ACTN1: variants seen among roughly 807,000 people sequenced by gnomAD.
ACTN1 encodes alpha-actinin-1.
In ACTN1, 30 loss-of-function variants were observed where a neutral mutation model predicts 119.6. That is an observed-to-expected ratio of 0.25 (90% CI 0.19 to 0.34). ACTN1 has a LOEUF of 0.34. ACTN1 is among the 10% of genes least tolerant of loss of function. The probability of loss-of-function intolerance (pLI) is 1.00; values close to 1 mark genes in which losing one functional copy is unlikely to be tolerated. For synonymous variants in ACTN1, 429 were observed against 472.6 expected (o/e 0.91, Z 1.20); for missense variants, 764 against 1,223.4 (o/e 0.62, Z 5.60).
rs1236104162 is a variant in ACTN1, at chr14:68,909,350, G to A, written c.562C>T (p.Pro188Ser). 6.2e-7 allele frequency: 1 copy of A among 1,614,080 alleles called. No individual in the cohort carries two copies. Among genetic ancestry groups the A allele is most frequent in the Non-Finnish European group, 8.5e-7 (1 of 1,179,998 alleles). The change falls in exon 6 of 22, where the codon CCC (proline) becomes TCC (serine). Residue 188 changes from proline (P) to serine (S), a missense_variant. Pro to Ser is a moderately conservative substitution (Grantham distance 74). This residue lies in a region of ACTN1 where 544 missense variants were observed against 912.0 expected (regional missense o/e 0.60). Transcript: ENST00000394419. This position sits in a 1 kb window ranked among gnomAD's most constrained non-coding sequence, Gnocchi z 4.1. Reference protein sequence around the residue: ...GFCALIHRHRPELIDYGKLRK... With the variant: ...GFCALIHRHRSELIDYGKLRK... ...AGCTTCCCGTAGTCAATCAGCTCGG[G>A]CCGGTGTCGGTGGATCAAAGCACAG...
chr14:68,903,630 C>T (rs1462940733), intron 7 of ACTN1, among the ~76,000 whole-genome samples: 3 of 152,186 alleles, frequency 2.0e-5, no homozygotes, highest in Admixed American at 1.3e-4. Context: ...CCTTTCTAGC[C>T]CTTCAGCACT....
At chr14:68,934,340 A>G (rs530116669) in intron 1 of ACTN1, among the ~76,000 whole-genome samples, 10 of 152,394 alleles carry the variant, frequency 6.6e-5, no homozygotes, top group Middle Eastern at 3.4e-3. Context: ...GGCTGGATCA[A>G]TGAGGAACCC....
chr14:68,884,346 T>C, intron 13 of ACTN1, 38 bp from the exon 14 acceptor site: 1 of 1,585,616 alleles, frequency 6.3e-7, no homozygotes, highest in Non-Finnish European at 8.6e-7. Context: ...AGTACAGTGA[T>C]GTCCAGAATC....
rs540162705 is a variant in ACTN1 at position 68,898,278 on chromosome 14, T to G, written c.762+4199A>C. On this transcript the variant is annotated intron_variant, in intron 8 of 21. Transcript: ENST00000394419. The stretch of plus-strand genomic sequence containing the variant: ...GCTCTCCATCCATTCTAAGTCCCTG[T>G]AAGGGAAGAGGAGGGGAGAGGGAAG... Among the ~76,000 whole-genome samples, 6 of 152,290 alleles carry G rather than the reference T, an allele frequency of 3.9e-5. No homozygotes were observed. In the East Asian group the frequency reaches 1.2e-3, roughly 29 times the overall value.
At chr14:68,893,554 A>G (rs917120096) in intron 9 of ACTN1, 101 bp downstream of exon 9, 2 of 1,177,338 alleles carry the variant, frequency 1.7e-6, no homozygotes, top group African/African-American at 3.0e-5. Flanking sequence ...ATCAGAGACT[A>G]TACAAGCCTG....
chr14:68,903,714 G>A (rs1422339640), intron 7 of ACTN1, among the ~76,000 whole-genome samples: 1 of 152,154 alleles, frequency 6.6e-6, no homozygotes, highest in African/African-American at 2.4e-5. Flanking sequence ...GGGCAAGCGC[G>A]GAGGTGGGAC....
intron 1 of ACTN1, among the ~76,000 whole-genome samples, chr14:68,976,576 G>A (rs2037068544): frequency 6.6e-6 from 1 of 152,142 alleles, no homozygotes; most frequent in Non-Finnish European, 1.5e-5. Flanking sequence ...TTCTGCCATG[G>A]CCCCTCCATC....
In ACTN1 at chr14:68,878,567, G is replaced by T. The variant is rs776809733; in HGVS notation, c.2362-44C>A. On this transcript the variant is annotated intron_variant, in intron 19 of 21. Coordinates refer to ENST00000394419, the MANE Select transcript of ACTN1 (RefSeq NM_001130004.2). This position sits in a 1 kb window ranked among gnomAD's most constrained non-coding sequence, Gnocchi z 4.4. Reference sequence around the variant, plus strand: ...CCAAGACACAAGGAGGGTCGGGAAGGCAGGAAGAGGAAGGGCCGGCCCGGG... The same window carrying T: ...CCAAGACACAAGGAGGGTCGGGAAGTCAGGAAGAGGAAGGGCCGGCCCGGG... The T allele has an allele frequency of 6.2e-7, 1 of 1,612,184 alleles. No individual in the cohort carries two copies. The highest frequency in any genetic ancestry group is 8.5e-7 in the Non-Finnish European group (1 of 1,179,212).
In ACTN1 at chr14:68,923,635, C is replaced by T. The variant is rs572765394; in HGVS notation, c.220+1923G>A. The stretch of plus-strand genomic sequence containing the variant: ...TACCAGCCTGGCCAACATGGTGGAA[C>T]CCTATCTCAAAGAAAAAAGAAAATA... On this transcript the variant is annotated intron_variant, in intron 2 of 21. Transcript: ENST00000394419. Among the ~76,000 whole-genome samples, 3 of 151,670 alleles carry T rather than the reference C, an allele frequency of 2.0e-5. No homozygotes were observed. The South Asian group carries it at 6.3e-4, about 32-fold the overall frequency.
intron 1 of ACTN1, among the ~76,000 whole-genome samples, chr14:68,940,945 T>TGGGTC (rs1347734573): frequency 6.6e-6 from 1 of 152,210 alleles, no homozygotes; most frequent in Non-Finnish European, 1.5e-5. Context: ...AGTCCACCCC[T>TGGGTC]GGGTCACCCG....
rs58500225 is a variant in ACTN1, at chr14:68,881,955, T to TTTTTTTTTTTTA, written c.1953+502_1953+503insTAAAAAAAAAAA. Among the ~76,000 whole-genome samples the TTTTTTTTTTTTA allele has an allele frequency of 1.7e-4, 18 of 102,976 alleles. 2 individuals carry two copies. Among genetic ancestry groups the TTTTTTTTTTTTA allele is most frequent in the South Asian group, 6.4e-4 (2 of 3,146 alleles). 67.6% of individuals were successfully genotyped at this position (102,976 alleles called of 152,430 possible). On this transcript the variant is annotated intron_variant, in intron 16 of 21. Coordinates refer to ENST00000394419, the MANE Select transcript of ACTN1 (RefSeq NM_001130004.2). ...CAGCTTCTTTTTTTTTTTTTTTTTT[T>TTTTTTTTTTTTA]GACAGAGTCTTGCTCTGTTGCCCAA...
At chr14:68,875,083 C>T (rs1180593899) in intron 21 of ACTN1, 66 bp from the exon 22 acceptor site, 2 of 1,597,476 alleles carry the variant, frequency 1.3e-6, no homozygotes, top group Non-Finnish European at 1.7e-6. Flanking sequence ...CGGCCCGACA[C>T]AGCCGCAAAG....
At chr14:68,908,911 C>T (rs150619210) in intron 6 of ACTN1, among the ~76,000 whole-genome samples, 232 of 152,320 alleles carry the variant, frequency 1.5e-3, no homozygotes, top group African/African-American at 5.3e-3. Context: ...TGCCCAGGAC[C>T]GCACAGCAGG....
At chr14:68,918,529 G>A (rs915702723) in intron 3 of ACTN1, among the ~76,000 whole-genome samples, 6 of 150,954 alleles carry the variant, frequency 4.0e-5, no homozygotes, top group South Asian at 2.1e-4. Flanking sequence ...GACTTGCAGC[G>A]AGTCAAGATC....
At chr14:68,953,099 T>G (rs999950891) in intron 1 of ACTN1, among the ~76,000 whole-genome samples, 1 of 152,198 alleles carries the variant, frequency 6.6e-6, no homozygotes, top group Non-Finnish European at 1.5e-5. Context: ...TGGAGATTCC[T>G]GGAAGAGCTT....
At chr14:68,894,534 G>A (rs993977468) in intron 8 of ACTN1, among the ~76,000 whole-genome samples, 7 of 152,166 alleles carry the variant, frequency 4.6e-5, no homozygotes, top group Non-Finnish European at 2.9e-5. Context: ...GCAGCTGTGG[G>A]GGCTACTGTA....
chr14:68,897,984 T>C (rs900334815), intron 8 of ACTN1, among the ~76,000 whole-genome samples: 3 of 152,248 alleles, frequency 2.0e-5, no homozygotes, highest in Non-Finnish European at 2.9e-5. Flanking sequence ...AAGGCCTTGC[T>C]AAGCCTTCCC....
intron 8 of ACTN1, among the ~76,000 whole-genome samples, chr14:68,901,170 C>T (rs976910200): frequency 6.8e-6 from 1 of 146,234 alleles, no homozygotes; most frequent in African/African-American, 2.5e-5. Context: ...TGGGAGAGGG[C>T]AGGGGCTCCC....
intron 11 of ACTN1, chr14:68,887,895 C>T (rs957226683): frequency 1.8e-5 from 16 of 885,378 alleles, no homozygotes; most frequent in South Asian, 1.4e-4. Context: ...TTAGCCACTT[C>T]GGCCTGTTTT....
Sources: allele counts gnomAD v4.1 joint callset (sites outside exome capture counted in the v4.1 genomes callset), GRCh38; gene constraint gnomAD v4.1.1; regional missense constraint gnomAD v4.1.1; non-coding constraint Gnocchi (gnomAD v3.1); transcripts MANE v1.5; gene names NCBI Gene and HGNC (gene_info 2026-07-23, HGNC 2026-07-21).